The following GALNT13 variants were observed in gnomAD, a reference collection of about 807,000 sequenced individuals.
GALNT13 encodes UDP-GalNAc:polypeptide N-acetylgalactosaminyltransferase 13.
Under a neutral mutation model 64.2 loss-of-function variants are expected in GALNT13, and 28 were observed. The observed-to-expected ratio is 0.44, with a 90% CI of 0.32 to 0.60. The LOEUF is 0.60. Ranked by LOEUF, GALNT13 falls within the 20% of genes least tolerant of loss-of-function variation. GALNT13 has a pLI of 0.05. For missense variants in GALNT13, 577 were observed against 669.8 expected, an observed-to-expected ratio of 0.86 and a Z score of 1.53; for synonymous variants, 214 against 224.6, an observed-to-expected ratio of 0.95 and a Z score of 0.42.
At chr2:154,020,449 A>G (rs1260060036) in intron 3 of GALNT13, among the ~76,000 whole-genome samples, 1 of 152,180 alleles carries the variant, frequency 6.6e-6, no homozygotes, top group East Asian at 1.9e-4. Flanking sequence ...TCTGATGGCC[A>G]GTGATGATGA....
At chr2:154,190,791 A>G (rs1011225903) in intron 4 of GALNT13, among the ~76,000 whole-genome samples, 2 of 152,206 alleles carry the variant, frequency 1.3e-5, no homozygotes, top group Non-Finnish European at 2.9e-5. Context: ...CCTAGTAATC[A>G]CTTCAAAAAA....
At chr2:154,418,872 G>T (rs1447770901) in intron 11 of GALNT13, among the ~76,000 whole-genome samples, 1 of 152,122 alleles carries the variant, frequency 6.6e-6, no homozygotes, top group East Asian at 1.9e-4. Context: ...AACATGTTGT[G>T]ATAGCTAGAA....
chr2:153,664,616 GTGATAAA>G, the GALNT13 span, among the ~76,000 whole-genome samples: 1 of 152,188 alleles, frequency 6.6e-6, no homozygotes, highest in African/African-American at 2.4e-5. Context: ...GATTGGGGAA[GTGATAAA>G]TGTCCATGAA....
the GALNT13 span, among the ~76,000 whole-genome samples, chr2:153,631,948 C>T: frequency 6.6e-6 from 1 of 151,968 alleles, no homozygotes; most frequent in African/African-American, 2.4e-5. Flanking sequence ...GGTTTTAAAC[C>T]AATAATATCA....
the GALNT13 span, among the ~76,000 whole-genome samples, chr2:153,323,569 C>A: frequency 3.3e-5 from 5 of 152,146 alleles, no homozygotes; most frequent in African/African-American, 1.2e-4. Context: ...TTGCCCATGC[C>A]TATGTCCTGA....
chr2:153,313,711 ATTTAT>A, the GALNT13 span, among the ~76,000 whole-genome samples: 1 of 152,182 alleles, frequency 6.6e-6, no homozygotes, highest in African/African-American at 2.4e-5. Context: ...TAAAAAAAGA[ATTTAT>A]TTTAAAGGAT....
chr2:154,143,080 C>G (rs11687750), intron 4 of GALNT13, among the ~76,000 whole-genome samples: 83,307 of 151,920 alleles, frequency 0.55, 23,986 homozygotes, highest in East Asian at 0.85. Flanking sequence ...TTTTTTTACA[C>G]ATTTGGAGGT....
rs187798932 is a variant in GALNT13, at chr2:153,983,112, C to G, written c.142+38473C>G. Among the ~76,000 whole-genome samples the G allele has an allele frequency of 2.0e-5, 3 of 151,944 alleles. No homozygotes were observed. In the East Asian group the frequency reaches 5.8e-4, roughly 29 times the overall value. ...AGTCTATTCTGTTTATAAACTAATT[C>G]TGTCTTGCATAGAGTGAAATTTGAT... On this transcript the variant is annotated intron_variant, in intron 3 of 12. Coordinates refer to ENST00000392825, the MANE Select transcript of GALNT13 (RefSeq NM_052917.4).
the GALNT13 span, among the ~76,000 whole-genome samples, chr2:153,093,236 C>CTTTTTTTTTT: frequency 6.2e-4 from 80 of 128,996 alleles, 1 homozygote; most frequent in Non-Finnish European, 1.0e-3. Context: ...TTTTTCTTTT[C>CTTTTTTTTTT]TTTTCTTTTT....
the GALNT13 span, among the ~76,000 whole-genome samples, chr2:153,726,532 GA>G: frequency 6.6e-6 from 1 of 152,142 alleles, no homozygotes; most frequent in African/African-American, 2.4e-5. Context: ...AACGCTTTCA[GA>G]CAATGAATGC....
At chr2:153,324,019 C>A in the GALNT13 span, among the ~76,000 whole-genome samples, 1,366 of 152,092 alleles carry the variant, frequency 9.0e-3, 25 homozygotes, top group East Asian at 0.084. Flanking sequence ...TTTTCTAATT[C>A]AGTGAAGAAA....
At chr2:153,545,811 A>G in the GALNT13 span, among the ~76,000 whole-genome samples, 1 of 152,162 alleles carries the variant, frequency 6.6e-6, no homozygotes, top group African/African-American at 2.4e-5. Context: ...CCCCCAATCC[A>G]GGCACCCAAC....
chr2:153,162,506 A>G, the GALNT13 span, among the ~76,000 whole-genome samples: 1 of 152,134 alleles, frequency 6.6e-6, no homozygotes, highest in African/African-American at 2.4e-5. Context: ...AAACATTTCG[A>G]ATCCCAGCCT....
intron 4 of GALNT13, among the ~76,000 whole-genome samples, chr2:154,188,586 A>G (rs1178152441): frequency 6.6e-6 from 1 of 152,210 alleles, no homozygotes; most frequent in Admixed American, 6.5e-5. Context: ...TTAAAGCAAA[A>G]AAGATAAGAA....
chr2:153,825,981 T>C, the GALNT13 span, among the ~76,000 whole-genome samples: 1 of 152,172 alleles, frequency 6.6e-6, no homozygotes, highest in Admixed American at 6.5e-5. Flanking sequence ...TTTCTCCTCC[T>C]CATTTTCTCT....
At chr2:153,736,250 T>C in the GALNT13 span, among the ~76,000 whole-genome samples, 1 of 152,160 alleles carries the variant, frequency 6.6e-6, no homozygotes, top group Non-Finnish European at 1.5e-5. Context: ...CTCACTCTAC[T>C]CCATGGATTT....
At chr2:154,280,573 G>T (rs976990837) in intron 8 of GALNT13, among the ~76,000 whole-genome samples, 2 of 152,216 alleles carry the variant, frequency 1.3e-5, no homozygotes, top group Non-Finnish European at 2.9e-5. Context: ...GACATTTACA[G>T]ATGGAGAGAC....
At chr2:153,427,769 C>CT in the GALNT13 span, among the ~76,000 whole-genome samples, 2 of 152,200 alleles carry the variant, frequency 1.3e-5, no homozygotes, top group African/African-American at 4.8e-5. Flanking sequence ...CTACTTCTAG[C>CT]TTTCATATCT....
the GALNT13 span, among the ~76,000 whole-genome samples, chr2:153,200,606 C>G: frequency 1.3e-5 from 2 of 152,048 alleles, no homozygotes; most frequent in African/African-American, 2.4e-5. Flanking sequence ...ATCTCATTGC[C>G]TAAAATCTAG....
Sources: gnomAD v4.1 joint callset for allele counts (sites outside exome capture counted in the v4.1 genomes callset) on GRCh38, gnomAD v4.1.1 for gene constraint, MANE v1.5 for transcripts, NCBI Gene and HGNC (gene_info 2026-07-23, HGNC 2026-07-21) for gene names.